Variants in FGD6 observed in about 807,000 individuals in gnomAD.
The protein encoded by FGD6 is FYVE, RhoGEF and PH domain-containing protein 6.
Under a neutral mutation model 149.4 loss-of-function variants are expected in FGD6, and 90 were observed. The observed-to-expected ratio is 0.60, with a 90% CI of 0.51 to 0.72. The LOEUF (loss-of-function observed/expected upper bound fraction) is 0.72. Ranked by LOEUF, FGD6 falls within the 30% of genes least tolerant of loss-of-function variation. The pLI is 0.00. For synonymous variants in FGD6, 527 were observed against 584.0 expected (o/e 0.90, Z 1.41); for missense variants, 1,437 against 1,684.8 (o/e 0.85, Z 2.57).
At chr12:95,109,600 C>G (rs569869482) in intron 9 of FGD6, among the ~76,000 whole-genome samples, 1 of 152,028 alleles carries the variant, frequency 6.6e-6, no homozygotes, top group Non-Finnish European at 1.5e-5. Context: ...CGGTGGCTCA[C>G]GCCTGTAATC....
chr12:95,096,627 A>G (rs2136235720), intron 14 of FGD6, among the ~76,000 whole-genome samples: 1 of 152,316 alleles, frequency 6.6e-6, no homozygotes, highest in Middle Eastern at 3.4e-3. Context: ...GAGCTTCCCC[A>G]TGGAATACAC....
chr12:95,131,020 G>A (rs1176768864), intron 8 of FGD6, among the ~76,000 whole-genome samples: 1 of 151,772 alleles, frequency 6.6e-6, no homozygotes, highest in Non-Finnish European at 1.5e-5. Flanking sequence ...CTTTGTGCTT[G>A]TGCCTTTCTT....
chr12:95,123,291 G>T (rs768263691), intron 8 of FGD6, among the ~76,000 whole-genome samples: 6 of 152,020 alleles, frequency 3.9e-5, no homozygotes, highest in Non-Finnish European at 7.4e-5. Context: ...AGCTACTTGG[G>T]AGGCTCAGGT....
At position 95,156,562 on chromosome 12, in the gene FGD6, C is replaced by T. The variant is rs182793255; in HGVS notation, c.2587-3569G>A. Among the ~76,000 whole-genome samples, 48 of 152,260 alleles carry T rather than the reference C, an allele frequency of 3.2e-4. 1 individual carries two copies. The East Asian group carries it at 5.8e-3, about 18-fold the overall frequency. ...GAAACTTCATTAGCAATTTTAATTT[C>T]GCCCCGTCCTGTGGTCCTGTGATCT... On this transcript the variant is annotated intron_variant, in intron 3 of 20. Coordinates refer to ENST00000343958, the MANE Select transcript of FGD6 (RefSeq NM_018351.4).
At chr12:95,173,468 C>A (rs1317904947) in intron 2 of FGD6, among the ~76,000 whole-genome samples, 1 of 152,142 alleles carries the variant, frequency 6.6e-6, no homozygotes, top group East Asian at 1.9e-4. Flanking sequence ...TGGAAAACCA[C>A]AGAGCCAGGC....
intron 2 of FGD6, among the ~76,000 whole-genome samples, chr12:95,174,947 A>AG (rs1881092744): frequency 6.6e-6 from 1 of 150,396 alleles, no homozygotes; most frequent in Non-Finnish European, 1.5e-5. Context: ...AAAAAAAAAA[A>AG]GAAATTAGGT....
At chr12:95,081,669 A>T in intron 20 of FGD6, 113 bp from the exon 21 acceptor site, 1 of 306,138 alleles carries the variant, frequency 3.3e-6, no homozygotes, top group East Asian at 5.1e-5. Flanking sequence ...CATAGGTAAG[A>T]TATATATATA....
At position 95,097,822 on chromosome 12, in the gene FGD6, C is replaced by G. The variant is rs1158563426; in HGVS notation, c.3498-3128G>C. Among the ~76,000 whole-genome samples the G allele has an allele frequency of 5.3e-5, 8 of 152,090 alleles. No homozygotes were observed. In the South Asian group the frequency reaches 1.7e-3, roughly 32 times the overall value. ...AACTGGGCACACAAAATATACCTCACTTGTAAGGATGCACACTGAATTGAG... is the reference window on the plus strand; with the variant it reads ...AACTGGGCACACAAAATATACCTCAGTTGTAAGGATGCACACTGAATTGAG... On this transcript the variant is annotated intron_variant, in intron 14 of 20. Transcript: ENST00000343958.
chr12:95,204,592 C>T (rs936357915), intron 2 of FGD6, among the ~76,000 whole-genome samples: 1 of 152,188 alleles, frequency 6.6e-6, no homozygotes, highest in African/African-American at 2.4e-5. Flanking sequence ...ATCCTTCCCA[C>T]AAACCCTGGG....
intron 8 of FGD6, among the ~76,000 whole-genome samples, chr12:95,127,625 G>C (rs1252799646): frequency 6.6e-6 from 1 of 152,116 alleles, no homozygotes; most frequent in African/African-American, 2.4e-5. Flanking sequence ...CAAATTTATA[G>C]CTTCAGAACA....
chr12:95,087,938 G>C (rs1877932780), intron 18 of FGD6, among the ~76,000 whole-genome samples: 3 of 151,584 alleles, frequency 2.0e-5, no homozygotes, highest in African/African-American at 7.3e-5. Context: ...AAAAAAAAGA[G>C]GAAAAAAATC....
At chr12:95,169,357 C>A (rs1031484447) in intron 3 of FGD6, among the ~76,000 whole-genome samples, 1 of 151,096 alleles carries the variant, frequency 6.6e-6, no homozygotes, top group East Asian at 1.9e-4. Context: ...GCACTAAAAA[C>A]AATGTCCATG....
chr12:95,126,453 C>T, intron 8 of FGD6: 1 of 910,966 alleles, frequency 1.1e-6, no homozygotes, highest in Non-Finnish European at 1.6e-6. Flanking sequence ...CAAAGGCCAG[C>T]CATGGTGGCT....
At chr12:95,117,466 AGGCT>A (rs1300960841) in intron 8 of FGD6, among the ~76,000 whole-genome samples, 1 of 151,184 alleles carries the variant, frequency 6.6e-6, no homozygotes, top group African/African-American at 2.4e-5. Context: ...TCTGTTGCCT[AGGCT>A]GGAGTGTGCA....
chr12:95,127,403 G>A (rs1455109239), intron 8 of FGD6, among the ~76,000 whole-genome samples: 4 of 152,134 alleles, frequency 2.6e-5, no homozygotes, highest in African/African-American at 9.7e-5. Context: ...AATTAGCTGG[G>A]CATGGTGGCA....
chr12:95,189,175 C>T (rs1326219905), intron 2 of FGD6: 1 of 152,214 alleles, frequency 6.6e-6, no homozygotes, highest in Non-Finnish European at 1.5e-5. Flanking sequence ...CTTAACAGAA[C>T]CCATCCACAG....
At chr12:95,165,348 T>A (rs1490215235) in intron 3 of FGD6, among the ~76,000 whole-genome samples, 2 of 151,966 alleles carry the variant, frequency 1.3e-5, no homozygotes, top group Non-Finnish European at 2.9e-5. Context: ...TTTTTTTTTT[T>A]TTGAGACAGT....
intron 9 of FGD6, among the ~76,000 whole-genome samples, chr12:95,110,451 A>C (rs893009528): frequency 2.7e-5 from 4 of 150,386 alleles, no homozygotes; most frequent in Non-Finnish European, 5.9e-5. Flanking sequence ...CGCCTCCCAG[A>C]TTCAAGCAAT....
chr12:95,194,762 T>C (rs1175263035), intron 2 of FGD6, among the ~76,000 whole-genome samples: 1 of 152,124 alleles, frequency 6.6e-6, no homozygotes, highest in African/African-American at 2.4e-5. Flanking sequence ...TAAAGATCAG[T>C]GTGGATTCTG....
Sources: gnomAD v4.1 joint callset for allele counts (sites outside exome capture counted in the v4.1 genomes callset) on GRCh38, gnomAD v4.1.1 for gene constraint, MANE v1.5 for transcripts, NCBI Gene and HGNC (gene_info 2026-07-23, HGNC 2026-07-21) for gene names.